CCDC3: variants seen among roughly 807,000 people sequenced by gnomAD.
CCDC3 encodes coiled-coil domain-containing protein 3.
Under a neutral mutation model 21.4 loss-of-function variants are expected in CCDC3, and 24 were observed. The ratio of observed to expected loss-of-function variants is 1.12; its 90% CI spans 0.81 to 1.58. The LOEUF (loss-of-function observed/expected upper bound fraction) is 1.58, where lower values mean the gene tolerates loss of function less well. Among genes scored for constraint, CCDC3 ranks in the 40% most tolerant of loss-of-function variants. The pLI, the probability that CCDC3 is intolerant of heterozygous loss-of-function variation, is 0.00. For synonymous variants in CCDC3, 186 were observed against 166.0 expected (o/e 1.12, Z -0.93); for missense variants, 425 against 360.9 (o/e 1.18, Z -1.44).
chr10:12,919,621 T>C (rs1183873416), intron 2 of CCDC3, among the ~76,000 whole-genome samples: 2 of 152,012 alleles, frequency 1.3e-5, no homozygotes, highest in Admixed American at 1.3e-4. Flanking sequence ...AGTACTATTT[T>C]AAGAGTCACA....
chr10:13,077,931 T>C (rs1836986167), intron 3 of CCDC3, among the ~76,000 whole-genome samples: 1 of 152,170 alleles, frequency 6.6e-6, no homozygotes, highest in Non-Finnish European at 1.5e-5. Flanking sequence ...GGCAATACCA[T>C]TCAGGACATA....
intron 2 of CCDC3, among the ~76,000 whole-genome samples, chr10:12,925,338 CTT>C (rs1481592895): frequency 6.6e-6 from 1 of 152,112 alleles, no homozygotes; most frequent in East Asian, 1.9e-4. Context: ...GGTAACCAAA[CTT>C]AGTCAAAAAA....
chr10:12,904,885 C>A (rs889726479), intron 2 of CCDC3, among the ~76,000 whole-genome samples: 1 of 151,794 alleles, frequency 6.6e-6, no homozygotes, highest in African/African-American at 2.4e-5. Context: ...TGCAGAAAGT[C>A]CCCCCCAGTT....
chr10:12,953,146 A>G (rs538099617), intron 2 of CCDC3, among the ~76,000 whole-genome samples: 1 of 152,316 alleles, frequency 6.6e-6, no homozygotes, highest in South Asian at 2.1e-4. Flanking sequence ...CCTCACAATC[A>G]TGGTAGAAGG....
intron 2 of CCDC3, among the ~76,000 whole-genome samples, chr10:12,950,800 C>T (rs1346305128): frequency 6.6e-6 from 1 of 152,146 alleles, no homozygotes; most frequent in Non-Finnish European, 1.5e-5. Context: ...ATGACACAAT[C>T]ACATATTCAG....
Position 13,001,581 on chromosome 10 carries a change from C to T in CCDC3, c.-11G>A. 8.3e-7 allele frequency: 1 copy of T among 1,200,544 alleles called. No homozygotes were observed. Among genetic ancestry groups the T allele is most frequent in the South Asian group, 4.2e-5 (1 of 23,988 alleles). The allele number at this position is 1,200,544 out of a possible 1,614,324, so 74.4% of individuals were successfully genotyped here. A position where few individuals can be genotyped will look rare whatever the true frequency, so the allele number is the denominator to read the frequency against. ...CAGCTGGCGCAGCATGCCGGGCCCT[C>T]CCGGGGCGCACGGGGCGGCGGCGGG... On this transcript the variant is annotated 5_prime_UTR_variant, in exon 1 of 3. Transcript: ENST00000378825.
intron 5 of CCDC3, among the ~76,000 whole-genome samples, chr10:13,016,160 C>T (rs1836055987): frequency 6.6e-6 from 1 of 151,692 alleles, no homozygotes; most frequent in African/African-American, 2.4e-5. Flanking sequence ...ACCTATGGTC[C>T]AAAGTCAGAT....
intron 2 of CCDC3, among the ~76,000 whole-genome samples, chr10:12,985,809 G>A (rs1412532862): frequency 1.3e-5 from 2 of 152,206 alleles, no homozygotes; most frequent in Non-Finnish European, 2.9e-5. Context: ...ACTTGGTGAT[G>A]GGACAGTTCT....
At chr10:13,028,933 C>T (rs1445313451) in intron 5 of CCDC3, among the ~76,000 whole-genome samples, 1 of 152,170 alleles carries the variant, frequency 6.6e-6, no homozygotes, top group Non-Finnish European at 1.5e-5. Flanking sequence ...ACCATAGCAC[C>T]TGCAAAATGA....
intron 5 of CCDC3, among the ~76,000 whole-genome samples, chr10:13,036,178 C>T (rs1247752396): frequency 2.0e-5 from 3 of 152,020 alleles, no homozygotes; most frequent in African/African-American, 4.8e-5. Context: ...AAACAAGTGG[C>T]TGCCCACCAG....
intron 5 of CCDC3, among the ~76,000 whole-genome samples, chr10:13,010,643 A>ACG: frequency 6.6e-6 from 1 of 152,346 alleles, no homozygotes; most frequent in Middle Eastern, 3.4e-3. Context: ...TATCCCATAT[A>ACG]AAGACTCGTA....
intron 2 of CCDC3, among the ~76,000 whole-genome samples, chr10:12,931,000 C>T (rs1176533191): frequency 6.6e-6 from 1 of 152,104 alleles, no homozygotes; most frequent in Non-Finnish European, 1.5e-5. Context: ...CACCTGAGGT[C>T]AGGACTTCCA....
chr10:12,997,463 C>CT (rs1289922728), intron 2 of CCDC3, among the ~76,000 whole-genome samples: 1 of 152,230 alleles, frequency 6.6e-6, no homozygotes, highest in Non-Finnish European at 1.5e-5. Flanking sequence ...GTTCCTCCAA[C>CT]TCTGGCATTT....
rs118092048 is a variant in CCDC3 at position 13,037,962 on chromosome 10, G to A, written c.-2+11712C>T. ...GGGAAACTAACAACTTAGACCCTAAGAGCCTTTTCCCCAGCCAGGTCTCCA... is the reference window on the plus strand; with the variant it reads ...GGGAAACTAACAACTTAGACCCTAAAAGCCTTTTCCCCAGCCAGGTCTCCA... On this transcript the variant is annotated intron_variant, in intron 5 of 6. Coordinates refer to the CCDC3 transcript ENST00000378839. Among the ~76,000 whole-genome samples the A allele has an allele frequency of 6.0e-3, 908 of 152,200 alleles. 10 individuals carry two copies. The highest frequency in any genetic ancestry group is 0.017 in the Middle Eastern group (5 of 294).
At chr10:12,936,028 A>G (rs1834732065) in intron 2 of CCDC3, among the ~76,000 whole-genome samples, 1 of 151,818 alleles carries the variant, frequency 6.6e-6, no homozygotes, top group Non-Finnish European at 1.5e-5. Context: ...AATGAAGATG[A>G]CAGACATTGT....
chr10:13,049,122 C>T (rs503165), intron 5 of CCDC3, among the ~76,000 whole-genome samples: 81,702 of 151,962 alleles, frequency 0.54, 22,426 homozygotes, highest in African/African-American at 0.64. Flanking sequence ...GACACAATAA[C>T]GAGCCCCAGC....
At chr10:13,094,932 G>A (rs979508438) in intron 3 of CCDC3, among the ~76,000 whole-genome samples, 1 of 152,088 alleles carries the variant, frequency 6.6e-6, no homozygotes, top group African/African-American at 2.4e-5. Context: ...ACCGTGAACA[G>A]GCTTGTCTCA....
At chr10:12,935,952 A>T (rs1163817780) in intron 2 of CCDC3, among the ~76,000 whole-genome samples, 9 of 152,212 alleles carry the variant, frequency 5.9e-5, no homozygotes, top group Non-Finnish European at 1.0e-4. Flanking sequence ...TCACTTTCTA[A>T]GCATCTACTT....
chr10:13,028,255 G>A lies in CCDC3; in HGVS notation c.-2+21419C>T, dbSNP rs371012946. Among the ~76,000 whole-genome samples the A allele has an allele frequency of 7.9e-5, 12 of 152,086 alleles. 1 individual carries two copies. The highest frequency in any genetic ancestry group is 5.8e-4 in the East Asian group (3 of 5,186). On this transcript the variant is annotated intron_variant, in intron 5 of 6. Coordinates refer to the CCDC3 transcript ENST00000378839. Reference sequence around the variant, plus strand: ...AGATCTGATGGTTTTATAAAGGGCAGTTCCCCTGCACACACACTCCTGCCT... The same window carrying A: ...AGATCTGATGGTTTTATAAAGGGCAATTCCCCTGCACACACACTCCTGCCT...
Sources: allele counts gnomAD v4.1 joint callset (sites outside exome capture counted in the v4.1 genomes callset), GRCh38; gene constraint gnomAD v4.1.1; transcripts MANE v1.5; gene names NCBI Gene and HGNC (gene_info 2026-07-23, HGNC 2026-07-21).